ASH1L: variants seen among roughly 807,000 people sequenced by gnomAD.
ASH1L encodes the protein histone-lysine N-methyltransferase ASH1L.
ASH1L carries 23 observed loss-of-function variants against 269.0 expected under a neutral mutation model. The ratio of observed to expected loss-of-function variants is 0.09; its 90% CI spans 0.06 to 0.12. The LOEUF is 0.12. Among genes scored for constraint, ASH1L ranks in the 10% least tolerant of loss-of-function variants. The pLI is 1.00. For synonymous variants in ASH1L, 1,187 were observed against 1,253.5 expected (o/e 0.95, Z 1.12); for missense variants, 2,912 against 3,567.8 (o/e 0.82, Z 4.68).
intron 7 of ASH1L, among the ~76,000 whole-genome samples, chr1:155,386,397 T>C (rs984755921): frequency 7.3e-5 from 11 of 151,632 alleles, no homozygotes; most frequent in African/African-American, 2.7e-4. Context: ...TTATTATTAT[T>C]GTTGTTTTGA....
intron 4 of ASH1L, among the ~76,000 whole-genome samples, chr1:155,442,073 G>A (rs546363860): frequency 6.6e-6 from 1 of 152,130 alleles, no homozygotes; most frequent in Admixed American, 6.6e-5. Flanking sequence ...ACCAAACAAG[G>A]AATATTTTGA....
In ASH1L at chr1:155,363,419, T is replaced by C. The variant is rs962816081; in HGVS notation, c.6687-3010A>G. Among the ~76,000 whole-genome samples the C allele has an allele frequency of 3.9e-5, 6 of 151,976 alleles. No individual in the cohort carries two copies. In the South Asian group the frequency reaches 6.2e-4, roughly 16 times the overall value. On this transcript the variant is annotated intron_variant, in intron 12 of 27. Transcript: ENST00000392403. ...CCACCACGACTAGCTAATTTTTGTA[T>C]TTTTAGTAAAGACAGGGTTTAGCCA... is the stretch of plus-strand genomic sequence containing the variant.
Position 155,521,166 on chromosome 1 carries a change from G to A in ASH1L, c.354C>T (p.His118=), listed in dbSNP as rs377594252. The A allele has an allele frequency of 2.4e-5, 39 of 1,613,236 alleles. No homozygotes were observed. Among genetic ancestry groups the A allele is most frequent in the Middle Eastern group, 3.3e-4 (2 of 6,084 alleles). ...CRPAIKTTIK[H]PRKALKSGKM... ...TTCCACTTTTAAGTGCTTTCCTTGG[G>A]TGCTTAATAGTTGTTTTTATGGCAG... Residue 118 remains histidine (H), a synonymous_variant, in exon 2 of 28, where the codon CAC becomes CAT. Coordinates refer to ENST00000392403, the MANE Select transcript of ASH1L (RefSeq NM_018489.3).
intron 16 of ASH1L, among the ~76,000 whole-genome samples, chr1:155,353,467 T>C (rs1438054261): frequency 6.6e-6 from 1 of 152,106 alleles, no homozygotes; most frequent in Non-Finnish European, 1.5e-5. Flanking sequence ...ACACATCACA[T>C]AGAATTGCTT....
At chr1:155,363,086 C>T (rs537618042) in intron 12 of ASH1L, among the ~76,000 whole-genome samples, 2 of 152,032 alleles carry the variant, frequency 1.3e-5, no homozygotes, top group South Asian at 2.1e-4. Context: ...TGTGTTCAAG[C>T]GATTCTCCTG....
intron 2 of ASH1L, among the ~76,000 whole-genome samples, chr1:155,487,243 A>C (rs2148749081): frequency 1.3e-5 from 2 of 152,278 alleles, no homozygotes; most frequent in South Asian, 4.1e-4. Flanking sequence ...ACCTATTCTG[A>C]CTTCATTTAT....
intron 3 of ASH1L, among the ~76,000 whole-genome samples, chr1:155,471,333 G>C (rs6656431): frequency 1.6e-4 from 25 of 152,196 alleles, no homozygotes; most frequent in Admixed American, 3.3e-4. Context: ...GAAAGCCTGA[G>C]GTAACTTCAA....
intron 2 of ASH1L, among the ~76,000 whole-genome samples, chr1:155,515,763 G>A (rs1467981098): frequency 1.3e-5 from 2 of 150,424 alleles, no homozygotes; most frequent in East Asian, 3.9e-4. Context: ...AGGAGGCGGA[G>A]GCTGCAGTGA....
intron 2 of ASH1L, among the ~76,000 whole-genome samples, chr1:155,493,060 G>C (rs1048898311): frequency 6.6e-6 from 1 of 152,028 alleles, no homozygotes; most frequent in Non-Finnish European, 1.5e-5. Flanking sequence ...CAAGTGATCT[G>C]GCTACCTCAG....
intron 1 of ASH1L, among the ~76,000 whole-genome samples, chr1:155,554,910 A>G (rs1671477296): frequency 6.6e-6 from 1 of 151,636 alleles, no homozygotes; most frequent in Non-Finnish European, 1.5e-5. Context: ...GGGAGGCTGA[A>G]GCGGGCAGAT....
At chr1:155,493,940 A>ACTTTTT (rs1666981834) in intron 2 of ASH1L, among the ~76,000 whole-genome samples, 1 of 152,178 alleles carries the variant, frequency 6.6e-6, no homozygotes, top group Non-Finnish European at 1.5e-5. Context: ...AGCACTGAGG[A>ACTTTTT]TAACAGCAGT....
At chr1:155,440,529 C>T (rs1257193069) in intron 4 of ASH1L, 1 of 953,032 alleles carries the variant, frequency 1.0e-6, no homozygotes, top group Non-Finnish European at 1.2e-6. Context: ...TGTTTATTCT[C>T]ATAGTCTCAA....
intron 4 of ASH1L, among the ~76,000 whole-genome samples, chr1:155,441,454 C>CTTTTTTT (rs34682576): frequency 6.8e-5 from 5 of 73,538 alleles, no homozygotes; most frequent in African/African-American, 1.5e-4. Flanking sequence ...ATAAAGAATC[C>CTTTTTTT]TTTTTTTTTT....
chr1:155,393,928 G>C (rs757837164), intron 7 of ASH1L, among the ~76,000 whole-genome samples: 18 of 152,098 alleles, frequency 1.2e-4, no homozygotes, highest in Non-Finnish European at 2.5e-4. Context: ...AATCCAGGGA[G>C]AGTAAGAAAG....
chr1:155,439,582 C>T (rs1662377245), intron 4 of ASH1L, among the ~76,000 whole-genome samples: 1 of 152,208 alleles, frequency 6.6e-6, no homozygotes, highest in African/African-American at 2.4e-5. Context: ...AACCTATGGT[C>T]ACAGCTATTT....
intron 3 of ASH1L, among the ~76,000 whole-genome samples, chr1:155,467,173 G>A (rs1415425099): frequency 6.6e-6 from 1 of 152,070 alleles, no homozygotes; most frequent in Non-Finnish European, 1.5e-5. Context: ...TGTAAGTTCT[G>A]TCATGTGTAG....
At chr1:155,557,921 G>C (rs1001167198) in intron 1 of ASH1L, among the ~76,000 whole-genome samples, 2 of 152,170 alleles carry the variant, frequency 1.3e-5, no homozygotes, top group Non-Finnish European at 2.9e-5. Context: ...GCAGATTATA[G>C]TGAGGTTGTA....
intron 2 of ASH1L, among the ~76,000 whole-genome samples, chr1:155,509,248 G>C (rs1482512842): frequency 6.6e-6 from 1 of 152,068 alleles, no homozygotes; most frequent in Admixed American, 6.6e-5. Flanking sequence ...GCCAGGCTGG[G>C]ACAGGAAGAT....
chr1:155,433,346 G>A, intron 5 of ASH1L: 1 of 1,590,296 alleles, frequency 6.3e-7, no homozygotes, highest in African/African-American at 1.3e-5. Flanking sequence ...GTCAGGCTCT[G>A]AGGTGTGGGG....
Sources: allele counts gnomAD v4.1 joint callset (sites outside exome capture counted in the v4.1 genomes callset), GRCh38; gene constraint gnomAD v4.1.1; transcripts MANE v1.5; gene names NCBI Gene and HGNC (gene_info 2026-07-23, HGNC 2026-07-21).